DLG2: variants seen among roughly 807,000 people sequenced by gnomAD.
DLG2 encodes the protein discs large MAGUK scaffold protein 2.
In DLG2, 45 loss-of-function variants were observed where a neutral mutation model predicts 132.5. The ratio of observed to expected loss-of-function variants is 0.34; its 90% confidence interval spans 0.27 to 0.44. The LOEUF (loss-of-function observed/expected upper bound fraction) is 0.44. Ranked by LOEUF, DLG2 falls within the 20% of genes least tolerant of loss-of-function variation. The pLI, the probability that DLG2 is intolerant of heterozygous loss-of-function variation, is 1.00. For missense variants in DLG2, 1,045 were observed against 1,196.9 expected (o/e 0.87, Z 1.87); for synonymous variants, 424 against 419.6 (o/e 1.01, Z -0.13).
chr11:85,249,443 A>G (rs1320014532), intron 4 of DLG2, among the ~76,000 whole-genome samples: 1 of 151,756 alleles, frequency 6.6e-6, no homozygotes, highest in Non-Finnish European at 1.5e-5. Context: ...TTAAATACAT[A>G]TATAAATATA....
intron 7 of DLG2, among the ~76,000 whole-genome samples, chr11:84,505,512 T>C (rs1178758382): frequency 6.6e-6 from 1 of 152,172 alleles, no homozygotes; most frequent in Admixed American, 6.5e-5. Flanking sequence ...TCCAGTTCTA[T>C]AATTTACTAG....
intron 20 of DLG2, among the ~76,000 whole-genome samples, chr11:83,539,156 C>T (rs7116058): frequency 0.66 from 100,286 of 151,998 alleles, 33,621 homozygotes; most frequent in Middle Eastern, 0.75. Context: ...TAGCGTGCAA[C>T]AGGAATGTTT....
intron 7 of DLG2, among the ~76,000 whole-genome samples, chr11:84,533,166 T>C (rs879666955): frequency 7.9e-5 from 12 of 152,250 alleles, no homozygotes; most frequent in Non-Finnish European, 1.3e-4. Context: ...TCTGAGTAGC[T>C]ATAAATGTCA....
At chr11:83,655,482 G>A (rs1431939197) in intron 18 of DLG2, among the ~76,000 whole-genome samples, 1 of 152,148 alleles carries the variant, frequency 6.6e-6, no homozygotes, top group African/African-American at 2.4e-5. Flanking sequence ...TATTGGGTCA[G>A]CTGGGACATG....
intron 6 of DLG2, among the ~76,000 whole-genome samples, chr11:84,743,491 T>C (rs1241432687): frequency 2.0e-5 from 3 of 152,168 alleles, no homozygotes; most frequent in Non-Finnish European, 4.4e-5. Flanking sequence ...ACTTCAGATA[T>C]TAAACTATAA....
chr11:85,233,177 T>G (rs551622567), intron 4 of DLG2, among the ~76,000 whole-genome samples: 6 of 152,048 alleles, frequency 3.9e-5, no homozygotes, highest in South Asian at 4.1e-4. Context: ...GATTTCTTGG[T>G]GCTATTTCCC....
At chr11:85,521,831 T>C (rs2074336046) in intron 3 of DLG2, among the ~76,000 whole-genome samples, 1 of 152,082 alleles carries the variant, frequency 6.6e-6, no homozygotes, top group Admixed American at 6.6e-5. Context: ...AACTTTAAAC[T>C]TGACAGGAAT....
At position 83,466,708 on chromosome 11, in the gene DLG2, A is replaced by G. The variant is rs1256921703; in HGVS notation, c.2729T>C (p.Met910Thr). Residue 910 changes from methionine (M) to threonine (T), a missense_variant and splice_region_variant, in exon 26 of 28, where the codon ATG becomes ACG. Met to Thr is a moderately conservative substitution (Grantham distance 81, BLOSUM62 -1). Coordinates refer to ENST00000376104, the MANE Select transcript of DLG2 (RefSeq NM_001142699.3). ...AAGGCCTCCAATGCCCTCTACTCAC[A>G]TAAGAGGTTCCAGAGACCTGGGTTT... The part of the protein sequence containing the change: ...FIKPRSLEPL[M>T]EMNKRLTEEQ... 2 of 1,594,926 alleles carry G rather than the reference A, an allele frequency of 1.3e-6. No individual in the cohort carries two copies. Among genetic ancestry groups the G allele is most frequent in the Non-Finnish European group, 1.7e-6 (2 of 1,162,568 alleles).
At chr11:85,406,174 CAGG>C (rs1307853482) in intron 3 of DLG2, among the ~76,000 whole-genome samples, 1 of 151,394 alleles carries the variant, frequency 6.6e-6, no homozygotes, top group African/African-American at 2.4e-5. Flanking sequence ...AAAGTTTATT[CAGG>C]AGACCATTAG....
At chr11:84,797,170 C>T (rs1315637696) in intron 6 of DLG2, among the ~76,000 whole-genome samples, 1 of 152,008 alleles carries the variant, frequency 6.6e-6, no homozygotes, top group Non-Finnish European at 1.5e-5. Flanking sequence ...TTATCCTTGA[C>T]TTTTGGTAGT....
chr11:84,821,303 A>G (rs928283849), intron 6 of DLG2, among the ~76,000 whole-genome samples: 1 of 151,850 alleles, frequency 6.6e-6, no homozygotes, highest in African/African-American at 2.4e-5. Flanking sequence ...ACTAGGGGCC[A>G]AAAAACTTTA....
chr11:84,062,155 G>C (rs1040836786), intron 10 of DLG2, among the ~76,000 whole-genome samples: 11 of 152,098 alleles, frequency 7.2e-5, no homozygotes, highest in African/African-American at 2.7e-4. Context: ...TCAATTGCTG[G>C]TGTGAGAAAA....
At chr11:84,077,543 A>G (rs1470636501) in intron 10 of DLG2, among the ~76,000 whole-genome samples, 2 of 150,930 alleles carry the variant, frequency 1.3e-5, no homozygotes, top group Non-Finnish European at 2.9e-5. Flanking sequence ...AAAAACAAAA[A>G]CAAGGAAAAC....
chr11:83,690,106 T>A (rs891754072), intron 18 of DLG2, among the ~76,000 whole-genome samples: 3 of 149,176 alleles, frequency 2.0e-5, no homozygotes, highest in African/African-American at 4.9e-5. Flanking sequence ...TGTCACAGTG[T>A]GGCACACTAT....
chr11:84,212,796 C>G (rs566181607), intron 8 of DLG2, among the ~76,000 whole-genome samples: 26 of 152,112 alleles, frequency 1.7e-4, no homozygotes, highest in Non-Finnish European at 3.8e-4. Context: ...GTAGCTGGGA[C>G]TATAGGTGCA....
intron 18 of DLG2, among the ~76,000 whole-genome samples, chr11:83,744,698 G>C (rs2092777641): frequency 1.3e-5 from 2 of 152,042 alleles, no homozygotes; most frequent in African/African-American, 4.8e-5. Context: ...CAATTTCATA[G>C]CTGAAAATAC....
At chr11:85,387,113 C>A (rs991747310) in intron 3 of DLG2, among the ~76,000 whole-genome samples, 1 of 152,048 alleles carries the variant, frequency 6.6e-6, no homozygotes, top group Non-Finnish European at 1.5e-5. Flanking sequence ...GTCTCAAACT[C>A]CTTACCTCAG....
chr11:84,986,312 A>G (rs2056487641), intron 6 of DLG2, among the ~76,000 whole-genome samples: 1 of 152,184 alleles, frequency 6.6e-6, no homozygotes, highest in Non-Finnish European at 1.5e-5. Context: ...GTAATTTAAA[A>G]AACTCCAGGA....
intron 6 of DLG2, chr11:84,923,451 G>T: frequency 1.0e-6 from 1 of 971,422 alleles, no homozygotes; most frequent in Non-Finnish European, 1.2e-6. Context: ...AAGAAGGAGG[G>T]GGGAATGAGC....
Sources: allele counts gnomAD v4.1 joint callset (sites outside exome capture counted in the v4.1 genomes callset), GRCh38; gene constraint gnomAD v4.1.1; transcripts MANE v1.5; gene names NCBI Gene and HGNC (gene_info 2026-07-23, HGNC 2026-07-21).